Variants in HECW2 observed in about 807,000 individuals in gnomAD.
HECW2 encodes the protein HECT, C2 and WW domain containing E3 ubiquitin protein ligase 2, also known as E3 ubiquitin-protein ligase HECW2.
In HECW2, 61 loss-of-function variants were observed where a neutral mutation model predicts 175.2. The observed-to-expected ratio is 0.35, with a 90% CI of 0.28 to 0.43. The LOEUF is 0.43. HECW2 is among the 20% of genes least tolerant of loss of function. The pLI, the probability that HECW2 is intolerant of heterozygous loss-of-function variation, is 1.00. For synonymous variants in HECW2, 671 were observed against 731.0 expected (o/e 0.92, Z 1.32); for missense variants, 1,524 against 2,000.5 (o/e 0.76, Z 4.54).
At chr2:196,205,390 C>T (rs962427794) in intron 28 of HECW2, among the ~76,000 whole-genome samples, 1 of 152,172 alleles carries the variant, frequency 6.6e-6, no homozygotes, top group Non-Finnish European at 1.5e-5. Flanking sequence ...TTAATTTTAT[C>T]CTACCTCTGA....
At chr2:196,441,602 C>T (rs991815841) in intron 1 of HECW2, among the ~76,000 whole-genome samples, 2 of 152,154 alleles carry the variant, frequency 1.3e-5, no homozygotes, top group Admixed American at 6.5e-5. Context: ...TGAACAAAGA[C>T]GTCACCAAAT....
At position 196,251,022 on chromosome 2, in the gene HECW2, C is replaced by T. The variant is rs967498673; in HGVS notation, c.3529+2898G>A. On this transcript the variant is annotated intron_variant, in intron 19 of 28. Transcript: ENST00000644978. ...TTCAAATCTAAATGAGGCCTCTTTT[C>T]AGATCTCATCCTTCTTGATGCCCTA... Among the ~76,000 whole-genome samples the T allele has an allele frequency of 8.5e-5, 13 of 152,250 alleles. No individual in the cohort carries two copies. The Middle Eastern group carries it at 0.014, about 159-fold the overall frequency.
At chr2:196,519,369 AAAAT>A (rs937493960) in intron 1 of HECW2, among the ~76,000 whole-genome samples, 8 of 152,156 alleles carry the variant, frequency 5.3e-5, no homozygotes, top group East Asian at 3.8e-4. Flanking sequence ...AACTGCACCA[AAAAT>A]AAATAAATAA....
At chr2:196,493,639 T>G (rs1251450098) in intron 1 of HECW2, among the ~76,000 whole-genome samples, 3 of 152,212 alleles carry the variant, frequency 2.0e-5, no homozygotes, top group African/African-American at 7.2e-5. Flanking sequence ...AGGTCTGTGT[T>G]TCTCTTCTTT....
Position 196,319,030 on chromosome 2 carries a change from G to T in HECW2, c.1860C>A (p.Ala620=). The T allele has an allele frequency of 6.2e-7, 1 of 1,613,866 alleles. No homozygotes were observed. The highest frequency in any genetic ancestry group is 8.5e-7 in the Non-Finnish European group (1 of 1,179,932). ...TGGCTTCGCTCACACTCTCTGTCCT[G>T]GCAGGATCACTGGGTTCTGTTTCAG... ...VSSETEPSDP[A]RTESVSEAST... is the part of the protein sequence containing the mutation. The change falls in exon 9 of 29, where the codon GCC becomes GCA. Residue 620 remains alanine, a synonymous_variant. Coordinates refer to ENST00000644978, the MANE Select transcript of HECW2 (RefSeq NM_001348768.2).
intron 1 of HECW2, among the ~76,000 whole-genome samples, chr2:196,572,841 C>G (rs1281299277): frequency 6.6e-6 from 1 of 152,164 alleles, no homozygotes. Flanking sequence ...AGGGCCCTCA[C>G]CAAGAACCCA....
intron 10 of HECW2, among the ~76,000 whole-genome samples, chr2:196,310,110 T>C (rs985922752): frequency 2.0e-5 from 3 of 152,102 alleles, no homozygotes; most frequent in Non-Finnish European, 4.4e-5. Flanking sequence ...AAAAATAATT[T>C]AAAATGACAC....
chr2:196,560,784 T>C (rs371694837), intron 1 of HECW2, among the ~76,000 whole-genome samples: 6 of 152,286 alleles, frequency 3.9e-5, no homozygotes, highest in African/African-American at 1.2e-4. Context: ...CAGAAGAACA[T>C]AAATTGTGAA....
rs1465863189 is a variant in HECW2 at position 196,547,259 on chromosome 2, G to A, written c.-36+46249C>T. 2.6e-5 allele frequency among the ~76,000 whole-genome samples: 4 copies of A among 152,192 alleles called. No individual in the cohort carries two copies. In the East Asian group the frequency reaches 5.8e-4, roughly 22 times the overall value. On this transcript the variant is annotated intron_variant, in intron 1 of 28. Coordinates refer to ENST00000644978, the MANE Select transcript of HECW2 (RefSeq NM_001348768.2). ...GCATTCCATGATGGGCTATAACCTA[G>A]CATGTTCAGAAGGCTGGACTCAAGA... is the stretch of plus-strand genomic sequence containing the variant.
At chr2:196,511,951 T>C (rs993852166) in intron 1 of HECW2, among the ~76,000 whole-genome samples, 3 of 152,222 alleles carry the variant, frequency 2.0e-5, no homozygotes, top group Non-Finnish European at 4.4e-5. Context: ...TGATGGATTG[T>C]TTTAGATGGT....
intron 1 of HECW2, among the ~76,000 whole-genome samples, chr2:196,577,984 G>A (rs1204201395): frequency 6.6e-6 from 1 of 152,062 alleles, no homozygotes; most frequent in African/African-American, 2.4e-5. Context: ...CAAATAAACA[G>A]TAAAGCATGG....
chr2:196,548,760 G>T (rs574961562), intron 1 of HECW2, among the ~76,000 whole-genome samples: 1 of 152,174 alleles, frequency 6.6e-6, no homozygotes, highest in Non-Finnish European at 1.5e-5. Flanking sequence ...CAAGGTGTTG[G>T]CAGGGTTGGT....
intron 10 of HECW2, among the ~76,000 whole-genome samples, chr2:196,308,501 C>T (rs949199182): frequency 6.6e-6 from 1 of 152,138 alleles, no homozygotes; most frequent in African/African-American, 2.4e-5. Flanking sequence ...ATGAAAGCCT[C>T]ATAGCTGGAG....
chr2:196,510,392 A>C (rs1374715232), intron 1 of HECW2, among the ~76,000 whole-genome samples: 2 of 152,200 alleles, frequency 1.3e-5, no homozygotes, highest in African/African-American at 4.8e-5. Context: ...TCCCTTGGCA[A>C]GAATTTCATA....
At chr2:196,379,455 G>A (rs528653466) in intron 2 of HECW2, among the ~76,000 whole-genome samples, 4 of 152,244 alleles carry the variant, frequency 2.6e-5, no homozygotes, top group African/African-American at 7.2e-5. Flanking sequence ...GGAGGTCGAG[G>A]CGGGTGGATC....
intron 2 of HECW2, among the ~76,000 whole-genome samples, chr2:196,421,552 G>A (rs1406214): frequency 0.95 from 144,300 of 152,316 alleles, 68,458 homozygotes; most frequent in East Asian, 1. Context: ...TAACAAACAC[G>A]ATAAAATCAG....
At chr2:196,526,637 GAT>G in intron 1 of HECW2, among the ~76,000 whole-genome samples, 2 of 134,312 alleles carry the variant, frequency 1.5e-5, no homozygotes, top group African/African-American at 7.2e-5. Context: ...TGATGATGGT[GAT>G]AAACAGATGG....
intron 1 of HECW2, among the ~76,000 whole-genome samples, chr2:196,531,105 G>A (rs570358443): frequency 5.3e-5 from 8 of 152,162 alleles, no homozygotes; most frequent in African/African-American, 1.4e-4. Flanking sequence ...GTCATTTTAC[G>A]CACTGTGGTT....
At chr2:196,264,342 C>T (rs1049376039) in intron 17 of HECW2, 6 of 152,112 alleles carry the variant, frequency 3.9e-5, no homozygotes, top group Non-Finnish European at 2.9e-5. Flanking sequence ...AGGAAAATGA[C>T]ATTTTACTGA....
Sources: allele counts gnomAD v4.1 joint callset (sites outside exome capture counted in the v4.1 genomes callset), GRCh38; gene constraint gnomAD v4.1.1; transcripts MANE v1.5; gene names NCBI Gene and HGNC (gene_info 2026-07-23, HGNC 2026-07-21).